CRISPLD2: variants seen among roughly 807,000 people sequenced by gnomAD.
The protein encoded by CRISPLD2 is cysteine-rich secretory protein LCCL domain-containing 2.
Under a neutral mutation model 71.1 loss-of-function variants are expected in CRISPLD2, and 47 were observed. The observed-to-expected ratio is 0.66, with a 90% confidence interval of 0.52 to 0.84. CRISPLD2 has a LOEUF of 0.84. Ranked by LOEUF, CRISPLD2 falls within the 40% of genes least tolerant of loss-of-function variation. The pLI, the probability that CRISPLD2 is intolerant of heterozygous loss-of-function variation, is 0.00. For synonymous variants in CRISPLD2, 317 were observed against 250.1 expected, an observed-to-expected ratio of 1.27 and a Z score of -2.52; for missense variants, 830 against 651.1, an observed-to-expected ratio of 1.27 and a Z score of -2.99.
At chr16:84,879,118 C>G (rs753487617) in intron 12 of CRISPLD2, among the ~76,000 whole-genome samples, 49 of 152,230 alleles carry the variant, frequency 3.2e-4, no homozygotes, top group Non-Finnish European at 6.6e-4. Context: ...CACCCCACTT[C>G]AGGCTTTCTC....
chr16:84,824,233 C>G (rs1472354592), intron 1 of CRISPLD2, among the ~76,000 whole-genome samples: 1 of 152,096 alleles, frequency 6.6e-6, no homozygotes, highest in Admixed American at 6.6e-5. Flanking sequence ...GTTTGGTGTG[C>G]CTGTAGTCTA....
intron 1 of CRISPLD2, among the ~76,000 whole-genome samples, chr16:84,834,612 T>C (rs1916570705): frequency 6.6e-6 from 1 of 152,250 alleles, no homozygotes; most frequent in South Asian, 2.1e-4. Flanking sequence ...GAAACAGTCC[T>C]GTCCAGCCAT....
intron 14 of CRISPLD2, among the ~76,000 whole-genome samples, chr16:84,892,032 C>T (rs917691197): frequency 2.0e-5 from 3 of 152,206 alleles, no homozygotes; most frequent in African/African-American, 7.2e-5. Context: ...ACTCTCTGCT[C>T]CTCCGTCCTG....
At chr16:84,839,769 G>A (rs919496470) in intron 2 of CRISPLD2, 1 of 152,232 alleles carries the variant, frequency 6.6e-6, no homozygotes, top group African/African-American at 2.4e-5. Flanking sequence ...AGCTATGAAT[G>A]GCTTTTTAAA....
At chr16:84,823,196 CT>C (rs1471313914) in intron 1 of CRISPLD2, among the ~76,000 whole-genome samples, 1 of 152,218 alleles carries the variant, frequency 6.6e-6, no homozygotes, top group Non-Finnish European at 1.5e-5. Context: ...ACCTTCGTTC[CT>C]TTTTTATGGC....
intron 2 of CRISPLD2, among the ~76,000 whole-genome samples, chr16:84,842,553 T>C (rs1349923407): frequency 6.6e-6 from 1 of 151,808 alleles, no homozygotes; most frequent in African/African-American, 2.4e-5. Flanking sequence ...TTTGTATTTC[T>C]GGTAGAGGCG....
At chr16:84,876,250 C>G (rs1261825134) in intron 11 of CRISPLD2, among the ~76,000 whole-genome samples, 1 of 152,182 alleles carries the variant, frequency 6.6e-6, no homozygotes, top group East Asian at 1.9e-4. Context: ...GCCTATAATC[C>G]CAGCACTTTG....
chr16:84,859,966 G>A (rs1478799747), intron 6 of CRISPLD2, among the ~76,000 whole-genome samples: 7 of 152,206 alleles, frequency 4.6e-5, no homozygotes, highest in African/African-American at 1.7e-4. Context: ...TGCAGGTGCT[G>A]CCTTTACAAA....
At chr16:84,831,324 G>T (rs1916482946) in intron 1 of CRISPLD2, among the ~76,000 whole-genome samples, 1 of 152,178 alleles carries the variant, frequency 6.6e-6, no homozygotes, top group South Asian at 2.1e-4. Context: ...AATGGCCAAT[G>T]CTCAAGGTAT....
intron 14 of CRISPLD2, among the ~76,000 whole-genome samples, chr16:84,896,395 C>G (rs1229697146): frequency 6.6e-6 from 1 of 152,096 alleles, no homozygotes; most frequent in African/African-American, 2.4e-5. Context: ...GAGAGAGACA[C>G]ACACACACAG....
intron 5 of CRISPLD2, among the ~76,000 whole-genome samples, chr16:84,853,764 C>G (rs1277488730): frequency 6.6e-6 from 1 of 152,230 alleles, no homozygotes; most frequent in Non-Finnish European, 1.5e-5. Context: ...GAGTCAGGTG[C>G]CGGTCCAAGG....
Position 84,872,472 on chromosome 16 carries a change from C to A in CRISPLD2, c.945C>A (p.His315Gln). The A allele has an allele frequency of 6.2e-7, 1 of 1,614,024 alleles. No homozygotes were observed. ...AGTGCCCAGCAGGCTGCCTGAACCA[C>A]AAGGCGAAGATCTTTGGAACTCTGT... ...RYQCPAGCLN[H>Q]KAKIFGTLFY... The change falls in exon 9 of 15, where the codon CAC (histidine) becomes CAA (glutamine). Residue 315 changes from histidine to glutamine, a missense_variant. Physicochemically the swap from His to Gln is conservative, Grantham distance 24 (BLOSUM62 0). Transcript: ENST00000262424.
At chr16:84,870,468 C>T (rs761892907) in intron 8 of CRISPLD2, among the ~76,000 whole-genome samples, 13 of 152,014 alleles carry the variant, frequency 8.6e-5, no homozygotes, top group African/African-American at 2.2e-4. Flanking sequence ...TACAGGCACA[C>T]GCCACCATGC....
intron 13 of CRISPLD2, among the ~76,000 whole-genome samples, chr16:84,882,475 A>G (rs2071577623): frequency 6.6e-6 from 1 of 151,984 alleles, no homozygotes; most frequent in South Asian, 2.1e-4. Context: ...CAATTGCACG[A>G]TCTCGGCTCA....
At chr16:84,839,097 G>T in intron 2 of CRISPLD2, 1 of 380,342 alleles carries the variant, frequency 2.6e-6, no homozygotes, top group South Asian at 2.0e-5. Flanking sequence ...ACGTTGCCCA[G>T]GCTGGTCTTG....
intron 9 of CRISPLD2, 114 bp downstream of exon 9, chr16:84,872,622 C>G: frequency 4.3e-6 from 4 of 936,566 alleles, no homozygotes; most frequent in Non-Finnish European, 6.7e-6. Flanking sequence ...TTAGTCAAAC[C>G]TGGCATTTCT....
intron 7 of CRISPLD2, among the ~76,000 whole-genome samples, chr16:84,867,375 A>T (rs1325419945): frequency 6.6e-6 from 1 of 152,188 alleles, no homozygotes; most frequent in Non-Finnish European, 1.5e-5. Flanking sequence ...TGCAGAGGGC[A>T]GGCAGCGTCC....
intron 3 of CRISPLD2, 80 bp from the exon 4 acceptor site, chr16:84,849,305 T>C (rs4783086): frequency 0.64 from 895,477 of 1,400,514 alleles, 289,268 homozygotes; most frequent in South Asian, 0.67. Context: ...CCCTCCCTCC[T>C]ACCTGCCCGT....
In CRISPLD2 at chr16:84,867,007, A is replaced by G; in HGVS notation, c.820A>G (p.Lys274Glu). ...WLQPRVMRPT[K>E]PKKTSAVNYM... ...CCAACCGAGGGTGATGAGACCCACC[A>G]AGCCCAAGAAAACCTCTGCGGTCAA... Residue 274 changes from lysine (K) to glutamate (E), a missense_variant, in exon 7 of 15, where the codon AAG becomes GAG. By Grantham distance (56) the Lys-to-Glu change is moderately conservative (BLOSUM62 1). Coordinates refer to ENST00000262424, the MANE Select transcript of CRISPLD2 (RefSeq NM_031476.4). 1.2e-6 allele frequency: 2 copies of G among 1,614,068 alleles called. No individual in the cohort carries two copies. Among genetic ancestry groups the G allele is most frequent in the Non-Finnish European group, 1.7e-6 (2 of 1,180,002 alleles).
Sources: gnomAD v4.1 joint callset for allele counts (sites outside exome capture counted in the v4.1 genomes callset) on GRCh38, gnomAD v4.1.1 for gene constraint, MANE v1.5 for transcripts, NCBI Gene and HGNC (gene_info 2026-07-23, HGNC 2026-07-21) for gene names.